DPP10: variants seen among roughly 807,000 people sequenced by gnomAD.
DPP10 encodes inactive dipeptidyl peptidase 10.
In DPP10, 33 loss-of-function variants were observed where a neutral mutation model predicts 120.9. The ratio of observed to expected loss-of-function variants is 0.27; its 90% confidence interval spans 0.21 to 0.37. The LOEUF (loss-of-function observed/expected upper bound fraction) is 0.37. Among genes scored for constraint, DPP10 ranks in the 10% least tolerant of loss-of-function variants. The pLI, the probability that DPP10 is intolerant of heterozygous loss-of-function variation, is 1.00. For synonymous variants in DPP10, 337 were observed against 326.1 expected, an observed-to-expected ratio of 1.03 and a Z score of -0.36; for missense variants, 816 against 942.8, an observed-to-expected ratio of 0.87 and a Z score of 1.76.
At chr2:115,060,590 T>C (rs890752720) in intron 1 of DPP10, among the ~76,000 whole-genome samples, 1 of 152,292 alleles carries the variant, frequency 6.6e-6, no homozygotes, top group South Asian at 2.1e-4. Flanking sequence ...AAATCCTGTC[T>C]CAAATTGATA....
At chr2:114,576,423 A>T (rs1327485126) in intron 1 of DPP10, among the ~76,000 whole-genome samples, 1 of 152,216 alleles carries the variant, frequency 6.6e-6, no homozygotes, top group African/African-American at 2.4e-5. Context: ...GGTGGCTGGA[A>T]AGGAGCTACA....
chr2:115,345,791 C>G (rs1220575335), intron 3 of DPP10, among the ~76,000 whole-genome samples: 2 of 152,130 alleles, frequency 1.3e-5, no homozygotes, highest in Non-Finnish European at 2.9e-5. Context: ...ATGTAGGACA[C>G]AGATTCTACT....
At chr2:114,858,956 T>A (rs1232849471) in intron 1 of DPP10, among the ~76,000 whole-genome samples, 1 of 152,072 alleles carries the variant, frequency 6.6e-6, no homozygotes, top group East Asian at 1.9e-4. Context: ...TCCCATCCTT[T>A]GTTTGTTACA....
chr2:115,248,856 A>C (rs2105645210), intron 1 of DPP10, among the ~76,000 whole-genome samples: 1 of 152,300 alleles, frequency 6.6e-6, no homozygotes, highest in Middle Eastern at 3.4e-3. Context: ...AATCAAAGAC[A>C]TGTGATTACA....
chr2:114,610,863 T>A (rs1448569125), intron 1 of DPP10, among the ~76,000 whole-genome samples: 1 of 152,080 alleles, frequency 6.6e-6, no homozygotes, highest in East Asian at 1.9e-4. Context: ...CACCCTCTGT[T>A]GCCTAATCCA....
chr2:115,494,826 A>G (rs1290698832), intron 3 of DPP10, among the ~76,000 whole-genome samples: 1 of 152,134 alleles, frequency 6.6e-6, no homozygotes, highest in Non-Finnish European at 1.5e-5. Context: ...CAGAGAACTG[A>G]TTTGCCAGAG....
intron 1 of DPP10, among the ~76,000 whole-genome samples, chr2:114,971,670 G>T (rs1244671549): frequency 6.6e-6 from 1 of 152,128 alleles, no homozygotes; most frequent in Admixed American, 6.6e-5. Context: ...GATGCCATAA[G>T]ATTTCGCAAG....
Position 115,008,677 on chromosome 2 carries a change from C to T in DPP10, c.61-300562C>T, listed in dbSNP as rs1450571616. Reference sequence around the variant, plus strand: ...TGGGAGAAAATTTTCGCAACCTACTCATCTGACAAAGGGCTAATATCCAGA... The same window carrying T: ...TGGGAGAAAATTTTCGCAACCTACTTATCTGACAAAGGGCTAATATCCAGA... On this transcript the variant is annotated intron_variant, in intron 1 of 25. Transcript: ENST00000410059. Among the ~76,000 whole-genome samples, 413 of 115,376 alleles carry T rather than the reference C, an allele frequency of 3.6e-3. 7 individuals carry two copies. Among genetic ancestry groups the T allele is most frequent in the African/African-American group, 0.011 (388 of 35,272 alleles). 75.7% of individuals were successfully genotyped at this position (115,376 alleles called of 152,430 possible). A position where few individuals can be genotyped will look rare whatever the true frequency, so the allele number is the denominator to read the frequency against.
At chr2:114,795,004 C>T (rs1485770204) in intron 1 of DPP10, among the ~76,000 whole-genome samples, 1 of 152,092 alleles carries the variant, frequency 6.6e-6, no homozygotes, top group Non-Finnish European at 1.5e-5. Context: ...TCCTGTGATG[C>T]TGTCAGATTA....
At chr2:115,782,463 T>C (rs1682886883) in intron 17 of DPP10, 64 bp downstream of exon 17, 1 of 1,455,446 alleles carries the variant, frequency 6.9e-7, no homozygotes. Flanking sequence ...CATCGTGTTA[T>C]CTATTCTGAG....
intron 3 of DPP10, among the ~76,000 whole-genome samples, chr2:115,391,364 G>A (rs1454482296): frequency 6.6e-6 from 1 of 152,136 alleles, no homozygotes; most frequent in African/African-American, 2.4e-5. Flanking sequence ...CACAATCTGA[G>A]ATCATTCTAT....
At chr2:115,225,461 A>G (rs1002741859) in intron 1 of DPP10, among the ~76,000 whole-genome samples, 8 of 151,320 alleles carry the variant, frequency 5.3e-5, no homozygotes, top group African/African-American at 1.9e-4. Context: ...GAGTGCTTCG[A>G]AACACTTATA....
At position 114,505,689 on chromosome 2, in the gene DPP10, A is replaced by C. The variant is rs573740264; in HGVS notation, c.60+62851A>C. 2.2e-4 allele frequency among the ~76,000 whole-genome samples: 34 copies of C among 152,310 alleles called. No individual in the cohort carries two copies. The South Asian group carries it at 2.5e-3, about 11-fold the overall frequency. On this transcript the variant is annotated intron_variant, in intron 1 of 25. Coordinates refer to ENST00000410059, the MANE Select transcript of DPP10 (RefSeq NM_020868.6). ...AAGGAATAAACTCACTAAGGGACAC[A>C]GTTGTGAAGTCACTCCGCTGGGACA...
At chr2:115,426,868 TA>T (rs1384962504) in intron 3 of DPP10, among the ~76,000 whole-genome samples, 1 of 152,172 alleles carries the variant, frequency 6.6e-6, no homozygotes, top group Non-Finnish European at 1.5e-5. Flanking sequence ...GTCCAAAGTT[TA>T]AAATCTCATC....
intron 1 of DPP10, among the ~76,000 whole-genome samples, chr2:114,538,287 C>A (rs1373076592): frequency 6.6e-6 from 1 of 152,166 alleles, no homozygotes; most frequent in Non-Finnish European, 1.5e-5. Context: ...GAAAGGAAAG[C>A]AATGCTCAGC....
chr2:115,553,263 C>T (rs927098351), intron 5 of DPP10, among the ~76,000 whole-genome samples: 1 of 151,874 alleles, frequency 6.6e-6, no homozygotes, highest in African/African-American at 2.4e-5. Flanking sequence ...GGAATTACAC[C>T]ATAACATTAC....
At chr2:115,161,964 C>T (rs2052407309) in intron 1 of DPP10, 11 of 1,431,342 alleles carry the variant, frequency 7.7e-6, no homozygotes, top group Non-Finnish European at 1.0e-5. Flanking sequence ...GCGATGACGG[C>T]CGCGAAGCAG....
intron 8 of DPP10, among the ~76,000 whole-genome samples, chr2:115,737,866 G>T (rs140590527): frequency 2.1e-4 from 32 of 152,044 alleles, no homozygotes; most frequent in Middle Eastern, 3.4e-3. Context: ...AAACATCCCC[G>T]GTGTTGCACA....
At chr2:115,325,172 G>T (rs939381010) in intron 2 of DPP10, among the ~76,000 whole-genome samples, 1 of 152,090 alleles carries the variant, frequency 6.6e-6, no homozygotes, top group African/African-American at 2.4e-5. Flanking sequence ...CAATAGGCTT[G>T]CTTGACAACA....
Sources: gnomAD v4.1 joint callset for allele counts (sites outside exome capture counted in the v4.1 genomes callset) on GRCh38, gnomAD v4.1.1 for gene constraint, MANE v1.5 for transcripts, NCBI Gene and HGNC (gene_info 2026-07-23, HGNC 2026-07-21) for gene names.